AOPEP: variants seen among roughly 807,000 people sequenced by gnomAD.
The protein encoded by AOPEP is aminopeptidase O (putative).
Under a neutral mutation model 98.1 loss-of-function variants are expected in AOPEP, and 77 were observed. The observed-to-expected ratio is 0.78, with a 90% CI of 0.65 to 0.95. The LOEUF (loss-of-function observed/expected upper bound fraction) is 0.95. Among genes scored for constraint, AOPEP ranks in the 40% least tolerant of loss-of-function variants. The pLI, the probability that AOPEP is intolerant of heterozygous loss-of-function variation, is 0.00. For missense variants in AOPEP, 1,024 were observed against 1,024.7 expected (o/e 1.00, Z 0.01); for synonymous variants, 346 against 365.3 (o/e 0.95, Z 0.60).
chr9:94,872,941 G>A (rs1308058105), intron 5 of AOPEP, among the ~76,000 whole-genome samples: 1 of 152,168 alleles, frequency 6.6e-6, no homozygotes, highest in Non-Finnish European at 1.5e-5. Flanking sequence ...AGGTTAAGTA[G>A]CCAGGCAGGA....
chr9:95,110,897 G>C, the AOPEP span: 1 of 1,277,054 alleles, frequency 7.8e-7, no homozygotes, highest in Non-Finnish European at 9.9e-7. Context: ...CCCATACTTA[G>C]CTGCTCTGTT....
chr9:94,997,437 A>G (rs147676190), intron 11 of AOPEP, among the ~76,000 whole-genome samples: 116 of 152,306 alleles, frequency 7.6e-4, no homozygotes, highest in African/African-American at 2.6e-3. Context: ...AATTTTTTCC[A>G]TAGTAACCTA....
intron 5 of AOPEP, among the ~76,000 whole-genome samples, chr9:94,919,233 G>C (rs936714824): frequency 7.9e-5 from 12 of 152,240 alleles, no homozygotes; most frequent in African/African-American, 2.9e-4. Flanking sequence ...TTCAAACTCA[G>C]ATCCCCTTAC....
In AOPEP at chr9:95,025,329, C is replaced by T. The variant is rs1294447226; in HGVS notation, c.2115+19713C>T. On this transcript the variant is annotated intron_variant, in intron 13 of 16. Transcript: ENST00000375315. ...GTGTCCCCCTACTCCTTCCAGCCTT[C>T]TGTTAACAGATACTGTCAGCCCACA... Among the ~76,000 whole-genome samples the T allele has an allele frequency of 2.0e-5, 3 of 152,228 alleles. No homozygotes were observed. The East Asian group carries it at 5.8e-4, about 29-fold the overall frequency.
At chr9:94,800,633 A>C (rs777532161) in intron 4 of AOPEP, 124 bp from the exon 5 acceptor site, 3 of 942,966 alleles carry the variant, frequency 3.2e-6, no homozygotes, top group Non-Finnish European at 5.0e-6. Context: ...TGAAATGAGC[A>C]GTCTTTGCTT....
intron 5 of AOPEP, among the ~76,000 whole-genome samples, chr9:94,803,601 A>C (rs1172415390): frequency 6.6e-6 from 1 of 152,248 alleles, no homozygotes; most frequent in African/African-American, 2.4e-5. Flanking sequence ...ATGACAAATC[A>C]GTTTATAAGA....
At chr9:95,132,958 C>A in the AOPEP span, among the ~76,000 whole-genome samples, 1 of 152,162 alleles carries the variant, frequency 6.6e-6, no homozygotes, top group Non-Finnish European at 1.5e-5. Flanking sequence ...GTTATGTAGA[C>A]CATCACACTT....
chr9:94,914,946 G>A (rs1330559071), intron 5 of AOPEP, among the ~76,000 whole-genome samples: 1 of 152,140 alleles, frequency 6.6e-6, no homozygotes, highest in Non-Finnish European at 1.5e-5. Flanking sequence ...AAAATTATTC[G>A]TTGTTTATCT....
At chr9:94,820,081 G>C (rs2134167168) in intron 5 of AOPEP, among the ~76,000 whole-genome samples, 1 of 151,852 alleles carries the variant, frequency 6.6e-6, no homozygotes, top group Non-Finnish European at 1.5e-5. Context: ...GAATAGCTGG[G>C]ATTACAGGTG....
intron 13 of AOPEP, among the ~76,000 whole-genome samples, chr9:95,031,708 C>T (rs534849040): frequency 2.6e-5 from 4 of 152,304 alleles, no homozygotes; most frequent in East Asian, 3.9e-4. Flanking sequence ...CCCGATTCTC[C>T]GGGTAGGGGG....
chr9:94,957,123 C>T lies in AOPEP; in HGVS notation c.1872+1108C>T, dbSNP rs548476539. On this transcript the variant is annotated intron_variant, in intron 9 of 16. Transcript: ENST00000375315. ...AAGTGCATTGTATTTACCATGACTTCGGAGGTTTTGATTTTCACTTCCCAT... is the reference window on the plus strand; with the variant it reads ...AAGTGCATTGTATTTACCATGACTTTGGAGGTTTTGATTTTCACTTCCCAT... Among the ~76,000 whole-genome samples, 7 of 152,276 alleles carry T rather than the reference C, an allele frequency of 4.6e-5. No homozygotes were observed. In the South Asian group the frequency reaches 1.2e-3, roughly 27 times the overall value.
chr9:94,799,599 A>G (rs1847779213), intron 4 of AOPEP, among the ~76,000 whole-genome samples: 1 of 152,088 alleles, frequency 6.6e-6, no homozygotes, highest in Non-Finnish European at 1.5e-5. Flanking sequence ...GCGGTGGTTC[A>G]AGCCTGTACT....
intron 11 of AOPEP, among the ~76,000 whole-genome samples, chr9:94,994,259 T>A (rs756489978): frequency 2.2e-4 from 34 of 152,304 alleles, no homozygotes; most frequent in Non-Finnish European, 3.7e-4. Context: ...AAGCTGCAAA[T>A]GGGTAAATCT....
intron 5 of AOPEP, among the ~76,000 whole-genome samples, chr9:94,836,754 A>C (rs1218183694): frequency 6.6e-6 from 1 of 152,148 alleles, no homozygotes; most frequent in Non-Finnish European, 1.5e-5. Context: ...TTTTGGTGTT[A>C]TGGGTAGGAA....
chr9:94,990,909 T>C (rs1449543705), intron 11 of AOPEP, among the ~76,000 whole-genome samples: 1 of 152,212 alleles, frequency 6.6e-6, no homozygotes, highest in East Asian at 1.9e-4. Flanking sequence ...ATTATAGGCA[T>C]GAGCCACCGC....
chr9:94,788,762 G>A (rs1845005996), intron 3 of AOPEP, among the ~76,000 whole-genome samples: 1 of 152,180 alleles, frequency 6.6e-6, no homozygotes. Context: ...ATGGCTGGTG[G>A]CCTCAGCATC....
intron 13 of AOPEP, among the ~76,000 whole-genome samples, chr9:95,059,269 A>G (rs1587844054): frequency 6.6e-6 from 1 of 152,344 alleles, no homozygotes; most frequent in East Asian, 1.9e-4. Flanking sequence ...TCCTGAGAGA[A>G]TAGCCACAGC....
At chr9:94,997,178 C>T (rs2061296917) in intron 11 of AOPEP, among the ~76,000 whole-genome samples, 1 of 152,216 alleles carries the variant, frequency 6.6e-6, no homozygotes, top group South Asian at 2.1e-4. Context: ...TGTTGCCTCC[C>T]TTCTGGGTAG....
chr9:94,959,107 G>C lies in AOPEP; in HGVS notation c.1872+3092G>C, dbSNP rs113828090. 2.0e-5 allele frequency among the ~76,000 whole-genome samples: 3 copies of C among 151,872 alleles called. No homozygotes were observed. In the East Asian group the frequency reaches 5.8e-4, roughly 29 times the overall value. On this transcript the variant is annotated intron_variant, in intron 9 of 16. Coordinates refer to ENST00000375315, the MANE Select transcript of AOPEP (RefSeq NM_001193329.3). ...CACCCAGGCTGGAGTGCAGTGGCGC[G>C]GTCTCGGCTCACTGCAAGCTCCGCC...
Sources: gnomAD v4.1 joint callset for allele counts (sites outside exome capture counted in the v4.1 genomes callset) on GRCh38, gnomAD v4.1.1 for gene constraint, MANE v1.5 for transcripts, NCBI Gene and HGNC (gene_info 2026-07-23, HGNC 2026-07-21) for gene names.